Variants in GRK3 observed in about 807,000 individuals in gnomAD.
GRK3 encodes G protein-coupled receptor kinase 3.
GRK3 carries 54 observed loss-of-function variants against 95.7 expected under a neutral mutation model. That is an observed-to-expected ratio of 0.56 (90% CI 0.45 to 0.71). The LOEUF is 0.71. GRK3 is among the 30% of genes least tolerant of loss of function. GRK3 has a pLI of 0.00. For missense variants in GRK3, 649 were observed against 851.2 expected (o/e 0.76, Z 2.96); for synonymous variants, 281 against 290.8 (o/e 0.97, Z 0.34).
chr22:25,572,354 A>G (rs1931733402), intron 1 of GRK3, among the ~76,000 whole-genome samples: 1 of 152,176 alleles, frequency 6.6e-6, no homozygotes, highest in Non-Finnish European at 1.5e-5. Flanking sequence ...ATGATTTATA[A>G]TGCTTTGGAT....
chr22:25,659,652 GT>G (rs1430777817), intron 3 of GRK3, among the ~76,000 whole-genome samples: 3 of 152,210 alleles, frequency 2.0e-5, no homozygotes, highest in Admixed American at 1.3e-4. Flanking sequence ...GCAATAGGAT[GT>G]TTGTTTAGAG....
At chr22:25,721,146 T>C in intron 19 of GRK3, 138 bp from the exon 20 acceptor site, 1 of 483,060 alleles carries the variant, frequency 2.1e-6, no homozygotes, top group Non-Finnish European at 3.7e-6. Context: ...CATTTTCCCC[T>C]TACTTCTAGA....
intron 9 of GRK3, among the ~76,000 whole-genome samples, chr22:25,682,787 C>T (rs1008971625): frequency 1.3e-5 from 2 of 152,210 alleles, no homozygotes; most frequent in African/African-American, 2.4e-5. Flanking sequence ...GATCAAGAGA[C>T]GGAAAGTTAC....
intron 2 of GRK3, among the ~76,000 whole-genome samples, chr22:25,631,060 C>T (rs2084660524): frequency 6.6e-6 from 1 of 152,040 alleles, no homozygotes; most frequent in African/African-American, 2.4e-5. Flanking sequence ...TGTTTATTTG[C>T]TCCTATTGGA....
intron 7 of GRK3, among the ~76,000 whole-genome samples, chr22:25,673,095 T>C (rs1266017568): frequency 2.4e-4 from 35 of 146,632 alleles, no homozygotes; most frequent in Admixed American, 2.4e-3. Context: ...CGAGTCTCGC[T>C]CTGTCGCCCA....
chr22:25,718,170 T>G, intron 18 of GRK3, 75 bp from the exon 19 acceptor site: 1 of 1,503,176 alleles, frequency 6.7e-7, no homozygotes, highest in Non-Finnish European at 9.1e-7. Context: ...TGTCTGTTCT[T>G]TTTTCAGAGA....
intron 10 of GRK3, among the ~76,000 whole-genome samples, chr22:25,686,046 C>T (rs1280638689): frequency 1.3e-5 from 2 of 151,350 alleles, no homozygotes; most frequent in African/African-American, 4.9e-5. Context: ...ACTGTGAAAC[C>T]CCGTCCCTAC....
Position 25,727,619 on chromosome 22 carries a change from A to T in GRK3, c.*5169A>T, listed in dbSNP as rs2085485191. The T allele has an allele frequency of 6.6e-6, 1 of 152,224 alleles. No individual in the cohort carries two copies. The allele number at this position is 152,224 out of a possible 1,614,324, so 9.4% of individuals were successfully genotyped here. On this transcript the variant is annotated 3_prime_UTR_variant, in exon 21 of 21. Transcript: ENST00000324198. ...TTCATCAAACACATATAGGGGAAAA[A>T]ATCCTTCAATTTAGAGTTAAATAAC...
intron 2 of GRK3, among the ~76,000 whole-genome samples, chr22:25,633,213 G>A (rs1234941739): frequency 6.6e-6 from 1 of 151,982 alleles, no homozygotes; most frequent in Non-Finnish European, 1.5e-5. Context: ...CACTGTGCCC[G>A]GCCTATAATA....
At chr22:25,590,185 A>G (rs1416312914) in intron 1 of GRK3, among the ~76,000 whole-genome samples, 1 of 152,212 alleles carries the variant, frequency 6.6e-6, no homozygotes, top group Non-Finnish European at 1.5e-5. Flanking sequence ...AAATATTTCT[A>G]TATGCATTCC....
At chr22:25,699,538 C>T (rs1464558748) in intron 13 of GRK3, among the ~76,000 whole-genome samples, 1 of 152,050 alleles carries the variant, frequency 6.6e-6, no homozygotes, top group Admixed American at 6.6e-5. Flanking sequence ...CCCGCAACAC[C>T]CCAACAAAGA....
chr22:25,687,470 G>A, intron 10 of GRK3, 67 bp from the exon 11 acceptor site: 2 of 1,556,460 alleles, frequency 1.3e-6, no homozygotes, highest in Admixed American at 1.7e-5. Context: ...TGACTATTTA[G>A]GATGACAATG....
chr22:25,634,351 G>A (rs2084685042), intron 2 of GRK3, among the ~76,000 whole-genome samples: 1 of 152,184 alleles, frequency 6.6e-6, no homozygotes. Context: ...TTGTGATGCT[G>A]GATGATAAGA....
At chr22:25,678,104 C>T (rs1263130467) in intron 8 of GRK3, among the ~76,000 whole-genome samples, 3 of 152,152 alleles carry the variant, frequency 2.0e-5, no homozygotes, top group Non-Finnish European at 4.4e-5. Context: ...CCTTCCCTTT[C>T]CATTTTGTTG....
intron 7 of GRK3, among the ~76,000 whole-genome samples, 169 bp from the exon 8 acceptor site, chr22:25,674,268 C>G (rs2085008588): frequency 6.6e-6 from 1 of 152,162 alleles, no homozygotes. Context: ...AAAAGTCTTG[C>G]CACCCCTGGG....
chr22:25,636,442 C>G (rs748590566), intron 2 of GRK3, among the ~76,000 whole-genome samples: 2 of 152,162 alleles, frequency 1.3e-5, no homozygotes, highest in Non-Finnish European at 2.9e-5. Context: ...TCCAAAAAGC[C>G]TCTTATTATC....
At chr22:25,711,641 T>C (rs1349374079) in intron 17 of GRK3, among the ~76,000 whole-genome samples, 2 of 152,096 alleles carry the variant, frequency 1.3e-5, no homozygotes, top group African/African-American at 2.4e-5. Flanking sequence ...CTTTTGTTCA[T>C]ATCGTTATTC....
intron 9 of GRK3, among the ~76,000 whole-genome samples, chr22:25,683,546 C>T (rs1396291382): frequency 6.6e-6 from 1 of 152,090 alleles, no homozygotes; most frequent in Non-Finnish European, 1.5e-5. Context: ...CACTCAGTAT[C>T]GTCAGTGTTT....
intron 2 of GRK3, among the ~76,000 whole-genome samples, chr22:25,637,029 C>T (rs1421389043): frequency 6.6e-6 from 1 of 152,110 alleles, no homozygotes; most frequent in Non-Finnish European, 1.5e-5. Context: ...TGGCTATTGC[C>T]CAATCCATTG....
Sources: gnomAD v4.1 joint callset for allele counts (sites outside exome capture counted in the v4.1 genomes callset) on GRCh38, gnomAD v4.1.1 for gene constraint, MANE v1.5 for transcripts, NCBI Gene and HGNC (gene_info 2026-07-23, HGNC 2026-07-21) for gene names.